Variants in ZCCHC2 observed in about 807,000 individuals in gnomAD.
ZCCHC2 encodes the protein zinc finger CCHC domain-containing protein 2.
A neutral mutation model predicts 103.6 loss-of-function variants in ZCCHC2; 39 were observed. The observed-to-expected ratio is 0.38, with a 90% CI of 0.29 to 0.49. The LOEUF is 0.49. Ranked by LOEUF, ZCCHC2 falls within the 20% of genes least tolerant of loss-of-function variation. The pLI is 0.96. For synonymous variants in ZCCHC2, 687 were observed against 608.9 expected (o/e 1.13, Z -1.89); for missense variants, 1,483 against 1,491.0 (o/e 0.99, Z 0.09).
chr18:62,556,613 A>G (rs1359955672), intron 6 of ZCCHC2, among the ~76,000 whole-genome samples: 2 of 152,104 alleles, frequency 1.3e-5, no homozygotes, highest in Non-Finnish European at 2.9e-5. Flanking sequence ...GTGCTGGTGT[A>G]TGATCTAGTC....
intron 9 of ZCCHC2, 26 bp from the exon 10 acceptor site, chr18:62,564,545 A>G (rs1474759091): frequency 6.8e-7 from 1 of 1,476,478 alleles, no homozygotes; most frequent in Non-Finnish European, 9.1e-7. Flanking sequence ...CTTTTGTCTG[A>G]TTTGTCTTTT....
intron 5 of ZCCHC2, chr18:62,551,163 C>G (rs1915647351): frequency 6.6e-6 from 1 of 152,106 alleles, no homozygotes; most frequent in Non-Finnish European, 1.5e-5. Flanking sequence ...AAGAGTTTTT[C>G]TTAAGAATGG....
Position 62,523,272 on chromosome 18 carries a change from T to G in ZCCHC2, c.-153T>G. 4 of 514,918 alleles carry G rather than the reference T, an allele frequency of 7.8e-6. No homozygotes were observed. The highest frequency in any genetic ancestry group is 9.4e-6 in the Non-Finnish European group (4 of 423,560). 31.9% of individuals were successfully genotyped at this position (514,918 alleles called of 1,614,324 possible). ...CCCCGCCGGCCGGCCACCGCCCCCC[T>G]CGCCGGCCGAGACCCGCCCCCGGCC... is the stretch of plus-strand genomic sequence containing the variant. On this transcript the variant is annotated 5_prime_UTR_variant, in exon 1 of 14. Transcript: ENST00000269499.
intron 8 of ZCCHC2, among the ~76,000 whole-genome samples, chr18:62,561,462 G>C (rs962982892): frequency 1.3e-5 from 2 of 152,166 alleles, no homozygotes; most frequent in Admixed American, 1.3e-4. Context: ...AGTATGAGCC[G>C]TGACTTTCCA....
rs1317910688 is a variant in ZCCHC2 at position 62,574,715 on chromosome 18, C to T, written c.2634C>T (p.Leu878=). The T allele has an allele frequency of 1.2e-6, 2 of 1,613,998 alleles. No homozygotes were observed. The highest frequency in any genetic ancestry group is 1.1e-5 in the South Asian group (1 of 91,082). ...AATCTGCATCCCAAGTGGTAGGACT[C>T]AATCAAATGGTGCCTCAAATTGAGG... ...ITKSASQVVG[L]NQMVPQIEGN... Residue 878 remains leucine (L), a synonymous_variant, in exon 13 of 14, where the codon CTC becomes CTT. Coordinates refer to ENST00000269499, the MANE Select transcript of ZCCHC2 (RefSeq NM_017742.6).
chr18:62,526,368 G>A (rs545093940), intron 1 of ZCCHC2: 1 of 152,148 alleles, frequency 6.6e-6, no homozygotes, highest in East Asian at 1.9e-4. Context: ...GATGCGTGGT[G>A]TGTGGTGAAC....
At position 62,574,433 on chromosome 18, in the gene ZCCHC2, G is replaced by T; in HGVS notation, c.2352G>T (p.Lys784Asn). The change falls in exon 13 of 14, where the codon AAG becomes AAT. Residue 784 changes from lysine (K) to asparagine (N), a missense_variant. By Grantham distance (94) the Lys-to-Asn change is moderately conservative. Transcript: ENST00000269499. ...GPTACTGESE[K>N]HLELLASPLP... is the part of the protein sequence containing the mutation. Reference sequence around the variant, plus strand: ...CAGCTTGCACTGGAGAATCGGAAAAGCACCTTGAGTTACTGGCTTCCCCTT... The same window carrying T: ...CAGCTTGCACTGGAGAATCGGAAAATCACCTTGAGTTACTGGCTTCCCCTT... 1 of 1,613,992 alleles carries T rather than the reference G, an allele frequency of 6.2e-7. No individual in the cohort carries two copies. The highest frequency in any genetic ancestry group is 1.3e-5 in the African/African-American group (1 of 75,040).
chr18:62,559,108 T>C (rs1335833836), intron 7 of ZCCHC2, among the ~76,000 whole-genome samples: 2 of 152,198 alleles, frequency 1.3e-5, no homozygotes, highest in Non-Finnish European at 2.9e-5. Context: ...AACTTAAACT[T>C]TTCAATGTTA....
Position 62,564,631 on chromosome 18 carries a change from G to C in ZCCHC2, c.1747G>C (p.Glu583Gln). 1 of 1,542,020 alleles carries C rather than the reference G, an allele frequency of 6.5e-7. No homozygotes were observed. Among genetic ancestry groups the C allele is most frequent in the Admixed American group, 2.0e-5 (1 of 49,494 alleles). Reference sequence around the variant, plus strand: ...TAAGAAGAAAGGAAAGCCACAAACAGAAAAGTAGGTTCAATTTAAGGAAAG... The same window carrying C: ...TAAGAAGAAAGGAAAGCCACAAACACAAAAGTAGGTTCAATTTAAGGAAAG... ...INKKKGKPQT[E>Q]KEKIKKTDNR... Residue 583 changes from glutamate (E) to glutamine (Q), a missense_variant, in exon 10 of 14, where the codon GAA becomes CAA. Coordinates refer to ENST00000269499, the MANE Select transcript of ZCCHC2 (RefSeq NM_017742.6).
Position 62,523,524 on chromosome 18 carries a change from C to A in ZCCHC2, c.100C>A (p.Pro34Thr). 2.1e-6 allele frequency: 2 copies of A among 965,078 alleles called. No homozygotes were observed. The highest frequency in any genetic ancestry group is 1.9e-5 in the African/African-American group (1 of 53,944). The allele number at this position is 965,078 out of a possible 1,614,324, so 59.8% of individuals were successfully genotyped here. Residue 34 changes from proline (P) to threonine (T), a missense_variant, in exon 1 of 14, where the codon CCT (proline) becomes ACT (threonine). By Grantham distance (38) the Pro-to-Thr change is conservative. This residue lies in a region of ZCCHC2 where 568 missense variants were observed against 525.1 expected (regional missense o/e 1.08). Coordinates refer to ENST00000269499, the MANE Select transcript of ZCCHC2 (RefSeq NM_017742.6). ...GGACGCGCGGCCGGGCGCGAAGGCGCCTTCGCGCCGCCGCCGCGACTGCCG... is the reference window on the plus strand; with the variant it reads ...GGACGCGCGGCCGGGCGCGAAGGCGACTTCGCGCCGCCGCCGCGACTGCCG... ...EADARPGAKA[P>T]SRRRRDCRPP...
chr18:62,557,134 A>T (rs961786227), intron 6 of ZCCHC2, among the ~76,000 whole-genome samples: 1 of 152,068 alleles, frequency 6.6e-6, no homozygotes, highest in African/African-American at 2.4e-5. Context: ...AGTTTTTCTT[A>T]TGTTCCGTAT....
chr18:62,574,896 G>A lies in ZCCHC2; in HGVS notation c.2815G>A (p.Ala939Thr). The A allele has an allele frequency of 1.2e-6, 2 of 1,613,852 alleles. No homozygotes were observed. The highest frequency in any genetic ancestry group is 1.7e-6 in the Non-Finnish European group (2 of 1,179,894). The stretch of plus-strand genomic sequence containing the variant: ...CCAGAACTCCAGTGTGCTCAGCACA[G>A]CAGCAACTTCTCCCCAGCCAGCGAG... ...PSQNSSVLST[A>T]ATSPQPASAG... Residue 939 changes from alanine to threonine, a missense_variant, in exon 13 of 14, where the codon GCA (alanine) becomes ACA (threonine). By Grantham distance (58) the Ala-to-Thr change is moderately conservative (BLOSUM62 0). This residue lies in a region of ZCCHC2 where 884 missense variants were observed against 907.5 expected (regional missense o/e 0.97). Transcript: ENST00000269499.
intron 1 of ZCCHC2, chr18:62,524,610 C>G: frequency 2.0e-6 from 1 of 511,894 alleles, no homozygotes; most frequent in Non-Finnish European, 3.2e-6. Context: ...TCTAGAAGTC[C>G]CTTCCGTGCC....
chr18:62,575,914 T>C (rs1916823618), intron 13 of ZCCHC2, among the ~76,000 whole-genome samples: 1 of 151,912 alleles, frequency 6.6e-6, no homozygotes, highest in African/African-American at 2.4e-5. Context: ...ATTGAAAACC[T>C]AGGAAGTAAT....
At chr18:62,564,486 C>G (rs1388051319) in intron 9 of ZCCHC2, 85 bp from the exon 10 acceptor site, 2 of 986,100 alleles carry the variant, frequency 2.0e-6, no homozygotes, top group African/African-American at 3.3e-5. Flanking sequence ...AACTGGGAAT[C>G]TATCATTTTA....
chr18:62,546,445 T>C (rs1422757394), intron 4 of ZCCHC2, among the ~76,000 whole-genome samples: 2 of 152,242 alleles, frequency 1.3e-5, no homozygotes, highest in African/African-American at 2.4e-5. Context: ...TATCAAAATT[T>C]AGACAAGTGA....
intron 13 of ZCCHC2, among the ~76,000 whole-genome samples, chr18:62,575,760 T>C (rs1916816286): frequency 1.3e-5 from 2 of 152,178 alleles, no homozygotes; most frequent in Non-Finnish European, 2.9e-5. Context: ...AGGAATTCAG[T>C]TTCCAATTAA....
At chr18:62,550,320 A>G (rs1915608185) in intron 4 of ZCCHC2, 28 bp from the exon 5 acceptor site, 1 of 1,523,512 alleles carries the variant, frequency 6.6e-7, no homozygotes, top group Non-Finnish European at 9.1e-7. Flanking sequence ...GAAACTTAAC[A>G]TTGGATATTG....
intron 3 of ZCCHC2, among the ~76,000 whole-genome samples, chr18:62,543,540 A>G (rs1289002742): frequency 6.6e-6 from 1 of 152,164 alleles, no homozygotes; most frequent in Non-Finnish European, 1.5e-5. Flanking sequence ...ACGCTCAGTC[A>G]GGCTGGCCTC....
Sources: allele counts gnomAD v4.1 joint callset (sites outside exome capture counted in the v4.1 genomes callset), GRCh38; gene constraint gnomAD v4.1.1; regional missense constraint gnomAD v4.1.1; transcripts MANE v1.5; gene names NCBI Gene and HGNC (gene_info 2026-07-23, HGNC 2026-07-21).